HPF1: variants seen among roughly 807,000 people sequenced by gnomAD.
HPF1 encodes histone PARylation factor 1.
Under a neutral mutation model 38.8 loss-of-function variants are expected in HPF1, and 35 were observed. The observed-to-expected ratio is 0.90, with a 90% CI of 0.69 to 1.19. The LOEUF (loss-of-function observed/expected upper bound fraction) is 1.19, where lower values mean the gene tolerates loss of function less well. Among genes scored for constraint, HPF1 ranks in the 50% most tolerant of loss-of-function variants. HPF1 has a pLI of 0.00. For missense variants in HPF1, 367 were observed against 405.8 expected (o/e 0.90, Z 0.82); for synonymous variants, 115 against 139.2 (o/e 0.83, Z 1.22).
intron 5 of HPF1, among the ~76,000 whole-genome samples, chr4:169,738,957 G>GGA (rs1560887900): frequency 2.0e-5 from 3 of 150,670 alleles, no homozygotes; most frequent in Admixed American, 6.6e-5. Context: ...CTTGGACACA[G>GGA]AGTGGGGAAC....
intron 5 of HPF1, among the ~76,000 whole-genome samples, chr4:169,738,820 T>C (rs1200521616): frequency 1.3e-5 from 2 of 152,174 alleles, no homozygotes; most frequent in African/African-American, 2.4e-5. Flanking sequence ...TAAAAAAGGA[T>C]GAGTTCATGT....
intron 3 of HPF1, 172 bp downstream of exon 3, chr4:169,750,364 T>A: frequency 6.9e-6 from 3 of 437,256 alleles, no homozygotes; most frequent in East Asian, 3.4e-5. Context: ...ACCTAAAGAG[T>A]TTACCCATCC....
At chr4:169,747,118 T>C (rs1734059824) in intron 4 of HPF1, among the ~76,000 whole-genome samples, 1 of 150,612 alleles carries the variant, frequency 6.6e-6, no homozygotes, top group African/African-American at 2.4e-5. Flanking sequence ...AAGGTATTTA[T>C]AGAATTAATA....
At chr4:169,739,595 C>T (rs1446609173) in intron 5 of HPF1, among the ~76,000 whole-genome samples, 1 of 152,098 alleles carries the variant, frequency 6.6e-6, no homozygotes, top group Non-Finnish European at 1.5e-5. Flanking sequence ...ACAAACACAC[C>T]TACACACACA....
intron 4 of HPF1, among the ~76,000 whole-genome samples, chr4:169,746,367 C>T (rs1348338958): frequency 6.6e-6 from 1 of 152,034 alleles, no homozygotes; most frequent in Admixed American, 6.6e-5. Flanking sequence ...GACAATGTCA[C>T]CTATTAAGAA....
chr4:169,732,194 G>C (rs1040494756), intron 6 of HPF1, among the ~76,000 whole-genome samples: 1 of 144,356 alleles, frequency 6.9e-6, no homozygotes, highest in Non-Finnish European at 1.5e-5. Flanking sequence ...AGGCTGGAAA[G>C]CAGTGGTGCG....
At chr4:169,740,605 G>A (rs1733956604) in intron 5 of HPF1, among the ~76,000 whole-genome samples, 1 of 152,168 alleles carries the variant, frequency 6.6e-6, no homozygotes, top group Admixed American at 6.5e-5. Flanking sequence ...GCATTTAACA[G>A]AAAAGGGTTT....
Position 169,749,277 on chromosome 4 carries a change from T to A in HPF1, c.399-435A>T, listed in dbSNP as rs1321396747. Among the ~76,000 whole-genome samples, 5 of 152,328 alleles carry A rather than the reference T, an allele frequency of 3.3e-5. No homozygotes were observed. In the East Asian group the frequency reaches 9.6e-4, roughly 29 times the overall value. ...TGGTGTATATGTAGTAGATATGGAA[T>A]GAATGTTTTCAGTTTAGTAGGTAGC... On this transcript the variant is annotated intron_variant, in intron 3 of 7. Coordinates refer to ENST00000393381, the MANE Select transcript of HPF1 (RefSeq NM_017867.3).
chr4:169,754,773 G>A (rs992489968), intron 1 of HPF1, among the ~76,000 whole-genome samples: 5 of 152,232 alleles, frequency 3.3e-5, no homozygotes, highest in South Asian at 2.1e-4. Context: ...TGGAAGAAAC[G>A]GTGCTAGTGG....
chr4:169,730,537 C>A (rs1349475267), intron 7 of HPF1, among the ~76,000 whole-genome samples: 1 of 152,222 alleles, frequency 6.6e-6, no homozygotes, highest in Non-Finnish European at 1.5e-5. Flanking sequence ...AAAATGTACA[C>A]CCCCGACCAG....
At chr4:169,748,245 A>C (rs1734072950) in intron 4 of HPF1, among the ~76,000 whole-genome samples, 1 of 152,230 alleles carries the variant, frequency 6.6e-6, no homozygotes, top group African/African-American at 2.4e-5. Context: ...TCGTTAAGTA[A>C]AATAGTTACA....
intron 7 of HPF1, among the ~76,000 whole-genome samples, chr4:169,731,306 C>T (rs1373774739): frequency 1.3e-5 from 2 of 152,042 alleles, no homozygotes; most frequent in African/African-American, 4.8e-5. Context: ...ATAACAAATA[C>T]CCCCACCACA....
rs569426455 is a variant in HPF1, at chr4:169,730,844, T to G, written c.909+860A>C. 5.9e-5 allele frequency among the ~76,000 whole-genome samples: 9 copies of G among 152,332 alleles called. No individual in the cohort carries two copies. The East Asian group carries it at 1.7e-3, about 29-fold the overall frequency. On this transcript the variant is annotated intron_variant, in intron 7 of 7. Coordinates refer to ENST00000393381, the MANE Select transcript of HPF1 (RefSeq NM_017867.3). ...TAACAATGTCTGCAGGTGAGTCATATGCATTTTAGTTTGGGAATTACTGCA... is the reference window on the plus strand; with the variant it reads ...TAACAATGTCTGCAGGTGAGTCATAGGCATTTTAGTTTGGGAATTACTGCA...
chr4:169,753,056 C>T (rs1307549478), intron 2 of HPF1, among the ~76,000 whole-genome samples: 2 of 88,934 alleles, frequency 2.2e-5, no homozygotes, highest in Non-Finnish European at 4.0e-5. Context: ...TTTTCTGAGA[C>T]AGGGTCTTGC....
chr4:169,757,938 C>G lies in HPF1; in HGVS notation c.-61G>C, dbSNP rs1206995442. The G allele has an allele frequency of 6.7e-7, 1 of 1,500,060 alleles. No individual in the cohort carries two copies. Among genetic ancestry groups the G allele is most frequent in the East Asian group, 2.5e-5 (1 of 40,484 alleles). The allele number at this position is 1,500,060 out of a possible 1,614,324, so 92.9% of individuals were successfully genotyped here. ...GCGGCCGCTTCCGAGCGCCGCCAAC[C>G]GCTTCCGGGTTCAAAAGCCTCCAAG... is the stretch of plus-strand genomic sequence containing the variant. On this transcript the variant is annotated 5_prime_UTR_variant, in exon 1 of 8. Transcript: ENST00000393381.
chr4:169,737,107 T>A (rs899763432), intron 6 of HPF1, among the ~76,000 whole-genome samples: 1 of 152,034 alleles, frequency 6.6e-6, no homozygotes, highest in Non-Finnish European at 1.5e-5. Flanking sequence ...TGGGTTAAAA[T>A]TCTGAAACCC....
chr4:169,745,658 C>T (rs1435211215), intron 4 of HPF1, among the ~76,000 whole-genome samples: 1 of 152,134 alleles, frequency 6.6e-6, no homozygotes, highest in Non-Finnish European at 1.5e-5. Flanking sequence ...ACATCTAATA[C>T]ATGTATACTC....
chr4:169,744,046 A>G (rs1222132675), intron 4 of HPF1, among the ~76,000 whole-genome samples: 2 of 152,178 alleles, frequency 1.3e-5, no homozygotes, highest in Non-Finnish European at 2.9e-5. Flanking sequence ...TCTTACCTTC[A>G]ATTATTACCA....
chr4:169,742,123 A>T lies in HPF1; in HGVS notation c.498-16T>A, dbSNP rs1305515920. 1 of 1,606,780 alleles carries T rather than the reference A, an allele frequency of 6.2e-7. No individual in the cohort carries two copies. The highest frequency in any genetic ancestry group is 8.5e-7 in the Non-Finnish European group (1 of 1,177,900). Reference sequence around the variant, plus strand: ...CAAAAATAATCTGAAAAAGAAGTAAAAGTCCGCATTATGTGGCAGGCCACT... The same window carrying T: ...CAAAAATAATCTGAAAAAGAAGTAATAGTCCGCATTATGTGGCAGGCCACT... On this transcript the variant is annotated splice_polypyrimidine_tract_variant and intron_variant, in intron 4 of 7. Coordinates refer to ENST00000393381, the MANE Select transcript of HPF1 (RefSeq NM_017867.3).
Sources: allele counts gnomAD v4.1 joint callset (sites outside exome capture counted in the v4.1 genomes callset), GRCh38; gene constraint gnomAD v4.1.1; transcripts MANE v1.5; gene names NCBI Gene and HGNC (gene_info 2026-07-23, HGNC 2026-07-21).